TPH1: variants seen among roughly 807,000 people sequenced by gnomAD.
The protein encoded by TPH1 is tryptophan hydroxylase 1.
In TPH1, 37 loss-of-function variants were observed where a neutral mutation model predicts 49.5. That is an observed-to-expected ratio of 0.75 (90% CI 0.58 to 0.98). The LOEUF is 0.98. TPH1 is among the 50% of genes least tolerant of loss of function. The pLI is 0.00. For synonymous variants in TPH1, 160 were observed against 182.1 expected, an observed-to-expected ratio of 0.88 and a Z score of 0.98; for missense variants, 487 against 523.6, an observed-to-expected ratio of 0.93 and a Z score of 0.68.
rs771137719 is a variant in TPH1, at chr11:18,026,544, A to G, written c.749T>C (p.Phe250Ser). 6.2e-7 allele frequency: 1 copy of G among 1,614,100 alleles called. No individual in the cohort carries two copies. The highest frequency in any genetic ancestry group is 1.7e-5 in the Admixed American group (1 of 59,990). ...DFLSGLAFRV[F>S]HCTQYVRHSS... is the part of the protein sequence containing the mutation. ...GTGTCTCACATATTGAGTGCAGTGAAAAACTCGAAAGGCTAAACCTGATAA... is the reference window on the plus strand; with the variant it reads ...GTGTCTCACATATTGAGTGCAGTGAGAAACTCGAAAGGCTAAACCTGATAA... Residue 250 changes from phenylalanine to serine, a missense_variant, in exon 7 of 11, where the codon TTT becomes TCT. Physicochemically the swap from Phe to Ser is radical, Grantham distance 155. Coordinates refer to ENST00000682019, the MANE Select transcript of TPH1 (RefSeq NM_004179.3).
intron 10 of TPH1, among the ~76,000 whole-genome samples, chr11:18,021,802 G>C (rs909641226): frequency 6.6e-6 from 1 of 152,096 alleles, no homozygotes; most frequent in East Asian, 1.9e-4. Context: ...TCAAATCACT[G>C]TTTGAACCTC....
intron 9 of TPH1, among the ~76,000 whole-genome samples, chr11:18,023,537 G>A (rs971395410): frequency 2.0e-5 from 3 of 151,652 alleles, no homozygotes; most frequent in Non-Finnish European, 4.4e-5. Context: ...TTTCATGTGT[G>A]TGTGTATTAC....
At chr11:18,026,006 C>T (rs1434284496) in intron 7 of TPH1, among the ~76,000 whole-genome samples, 1 of 152,008 alleles carries the variant, frequency 6.6e-6, no homozygotes. Context: ...TCAGATATCA[C>T]CTTCTCAGCA....
intron 6 of TPH1, among the ~76,000 whole-genome samples, chr11:18,027,783 A>T (rs1397762401): frequency 6.6e-6 from 1 of 152,240 alleles, no homozygotes; most frequent in Non-Finnish European, 1.5e-5. Flanking sequence ...TGTTATGTGC[A>T]TTGGTTCTCT....
chr11:18,027,086 G>C (rs1847936176), intron 6 of TPH1, among the ~76,000 whole-genome samples: 1 of 152,150 alleles, frequency 6.6e-6, no homozygotes, highest in Admixed American at 6.5e-5. Flanking sequence ...TTTTGAAGCT[G>C]TGCCATTTTT....
In TPH1 at chr11:18,042,450, T is replaced by C. The variant is rs1372207020; in HGVS notation, c.-26-1662A>G. ...TCCTAAAGCGTGAAAATGTAAACAA[T>C]AAAAGAGATGCAAAATAATATAACA... is the stretch of plus-strand genomic sequence containing the variant. On this transcript the variant is annotated intron_variant, in intron 1 of 10. Transcript: ENST00000682019. 11 of 399,550 alleles carry C rather than the reference T, an allele frequency of 2.8e-5. 1 individual carries two copies. The highest frequency in any genetic ancestry group is 4.4e-5 in the Non-Finnish European group (9 of 203,094). The allele number at this position is 399,550 out of a possible 1,614,324, so 24.8% of individuals were successfully genotyped here. A position where few individuals can be genotyped will look rare whatever the true frequency, so the allele number is the denominator to read the frequency against.
rs1359553540 is a variant in TPH1, at chr11:18,021,170, T to G, written c.1161-5A>C. ...TTAATTGTTTTGGTAAATTCTCTAT[T>G]TAAGAAAACAAATAGGAGACAATCA... On this transcript the variant is annotated splice_region_variant and splice_polypyrimidine_tract_variant and intron_variant, in intron 10 of 10. Coordinates refer to ENST00000682019, the MANE Select transcript of TPH1 (RefSeq NM_004179.3). The G allele has an allele frequency of 1.2e-6, 2 of 1,612,792 alleles. No homozygotes were observed. The highest frequency in any genetic ancestry group is 1.1e-5 in the South Asian group (1 of 91,040).
chr11:18,032,241 C>T lies in TPH1; in HGVS notation c.402+1033G>A, dbSNP rs566080219. Among the ~76,000 whole-genome samples, 3 of 152,270 alleles carry T rather than the reference C, an allele frequency of 2.0e-5. No homozygotes were observed. The South Asian group carries it at 6.2e-4, about 32-fold the overall frequency. On this transcript the variant is annotated intron_variant, in intron 4 of 10. Coordinates refer to ENST00000682019, the MANE Select transcript of TPH1 (RefSeq NM_004179.3). The stretch of plus-strand genomic sequence containing the variant: ...TCTTGCCTGTACTGTACAATTTTCT[C>T]AGGAAACAACTTCCTAGTTCATCAA...
At chr11:18,035,379 T>C (rs889293315) in intron 3 of TPH1, among the ~76,000 whole-genome samples, 2 of 144,518 alleles carry the variant, frequency 1.4e-5, no homozygotes, top group African/African-American at 5.3e-5. Flanking sequence ...CTTTCTTTCT[T>C]TCTTTTCTTT....
chr11:18,017,925 C>T lies in TPH1; in HGVS notation c.*3066G>A, dbSNP rs2134022418. ...AACTATGTCTTTGAATAATGATTTA[C>T]TGATTAAGAATTATTAACCGGCTGG... On this transcript the variant is annotated 3_prime_UTR_variant, in exon 11 of 11. Coordinates refer to ENST00000682019, the MANE Select transcript of TPH1 (RefSeq NM_004179.3). The T allele has an allele frequency of 6.6e-6, 1 of 152,246 alleles. No individual in the cohort carries two copies. Among genetic ancestry groups the T allele is most frequent in the East Asian group, 1.9e-4 (1 of 5,178 alleles). 9.4% of individuals were successfully genotyped at this position (152,246 alleles called of 1,614,324 possible).
intron 1 of TPH1, among the ~76,000 whole-genome samples, chr11:18,043,048 T>C (rs1016320112): frequency 3.9e-5 from 6 of 152,220 alleles, no homozygotes; most frequent in South Asian, 2.1e-4. Flanking sequence ...AGTTACCCTA[T>C]AGTTACTGAG....
chr11:18,041,475 C>T (rs1268309151), intron 1 of TPH1: 1 of 152,292 alleles, frequency 6.6e-6, no homozygotes. Flanking sequence ...TGTATGACCT[C>T]GGGCATGCTA....
intron 7 of TPH1, 90 bp downstream of exon 7, chr11:18,026,393 CAAAAAAA>C (rs57335932): frequency 1.3e-3 from 789 of 587,678 alleles, no homozygotes; most frequent in Non-Finnish European, 1.6e-3. Context: ...CCTCGCACAC[CAAAAAAA>C]AAAAAAAAAA....
In TPH1 at chr11:18,025,727, C is replaced by A. The variant is rs377555243; in HGVS notation, c.804-26G>T. ...CTGAAAGAGAGGTACAAGTTTGTCA[C>A]GCTGCAGTGCTTAACATACGTTTAT... On this transcript the variant is annotated intron_variant, in intron 7 of 10. Transcript: ENST00000682019. 3.1e-6 allele frequency: 5 copies of A among 1,613,270 alleles called. No individual in the cohort carries two copies. The African/African-American group carries it at 5.3e-5, about 17-fold the overall frequency.
At chr11:18,040,514 TCCA>T in intron 2 of TPH1, 129 bp downstream of exon 2, 1 of 830,980 alleles carries the variant, frequency 1.2e-6, no homozygotes, top group Non-Finnish European at 1.8e-6. Context: ...ACTACAGGAG[TCCA>T]CCACCACACC....
chr11:18,033,363 C>T lies in TPH1; in HGVS notation c.313G>A (p.Val105Ile). Reference sequence around the variant, plus strand: ...GAAATCTTCTTTGGAAACCAAGGAACAGTTTCCATACCTGTAAAATTTAAA... The same window carrying T: ...GAAATCTTCTTTGGAAACCAAGGAATAGTTTCCATACCTGTAAAATTTAAA... The part of the protein sequence containing the change: ...FTLKEDGMET[V>I]PWFPKKISDL... Residue 105 changes from valine to isoleucine, a missense_variant, in exon 4 of 11, where the codon GTT becomes ATT. Transcript: ENST00000682019. The T allele has an allele frequency of 6.2e-7, 1 of 1,610,874 alleles. No individual in the cohort carries two copies. Among genetic ancestry groups the T allele is most frequent in the Non-Finnish European group, 8.5e-7 (1 of 1,177,126 alleles).
At chr11:18,030,493 G>C (rs778793185) in intron 4 of TPH1, among the ~76,000 whole-genome samples, 1 of 151,854 alleles carries the variant, frequency 6.6e-6, no homozygotes, top group Non-Finnish European at 1.5e-5. Flanking sequence ...GGGGACATCT[G>C]AAAAGAGAGA....
chr11:18,036,043 A>G lies in TPH1; in HGVS notation c.217T>C (p.Leu73=), dbSNP rs925157867. 5 of 1,612,714 alleles carry G rather than the reference A, an allele frequency of 3.1e-6. No individual in the cohort carries two copies. Among genetic ancestry groups the G allele is most frequent in the East Asian group, 4.5e-5 (2 of 44,830 alleles). The change falls in exon 3 of 11, where the codon TTG becomes CTG. Residue 73 remains leucine, a synonymous_variant. Coordinates refer to ENST00000682019, the MANE Select transcript of TPH1 (RefSeq NM_004179.3). ...TTCAGCAGATGAAAAATATCATTCA[A>G]TTGTTCTCTGTTGATGTCACAGTCA... ...FVDCDINREQ[L]NDIFHLLKSH...
At chr11:18,042,775 T>C (rs998170686) in intron 1 of TPH1, among the ~76,000 whole-genome samples, 2 of 152,224 alleles carry the variant, frequency 1.3e-5, no homozygotes, top group Non-Finnish European at 2.9e-5. Flanking sequence ...GAAATAGACA[T>C]TCTAAATACC....
Sources: gnomAD v4.1 joint callset for allele counts (sites outside exome capture counted in the v4.1 genomes callset) on GRCh38, gnomAD v4.1.1 for gene constraint, MANE v1.5 for transcripts, NCBI Gene and HGNC (gene_info 2026-07-23, HGNC 2026-07-21) for gene names.